Variants in AMOTL1 observed in about 807,000 individuals in gnomAD.
AMOTL1 encodes angiomotin-like protein 1.
A neutral mutation model predicts 102.9 loss-of-function variants in AMOTL1; 45 were observed. The observed-to-expected ratio is 0.44, with a 90% CI of 0.34 to 0.56. The LOEUF (loss-of-function observed/expected upper bound fraction) is 0.56. Ranked by LOEUF, AMOTL1 falls within the 20% of genes least tolerant of loss-of-function variation. AMOTL1 has a pLI of 0.01. For synonymous variants in AMOTL1, 481 were observed against 484.7 expected, an observed-to-expected ratio of 0.99 and a Z score of 0.10; for missense variants, 1,114 against 1,225.6, an observed-to-expected ratio of 0.91 and a Z score of 1.36.
chr11:94,801,318 G>A (rs891297716), intron 3 of AMOTL1, among the ~76,000 whole-genome samples: 1 of 152,306 alleles, frequency 6.6e-6, no homozygotes, highest in South Asian at 2.1e-4. Flanking sequence ...CAGAGCACTG[G>A]TGGGCAAGGG....
intron 8 of AMOTL1, among the ~76,000 whole-genome samples, chr11:94,857,931 C>T (rs113505703): frequency 6.6e-6 from 1 of 152,072 alleles, no homozygotes; most frequent in African/African-American, 2.4e-5. Context: ...GCACACTTAC[C>T]CATTAGACCA....
rs753531050 is a variant in AMOTL1 at position 94,799,339 on chromosome 11, A to G, written c.200-51A>G. 44 of 1,399,698 alleles carry G rather than the reference A, an allele frequency of 3.1e-5. 1 individual carries two copies. In the South Asian group the frequency reaches 5.2e-4, roughly 16 times the overall value. The allele number at this position is 1,399,698 out of a possible 1,614,324, so 86.7% of individuals were successfully genotyped here. ...TTATGTACCACATAGTCACAGACAT[A>G]TATCTCCTGTGGAGCTGCCTGATAT... On this transcript the variant is annotated intron_variant, in intron 2 of 12. Coordinates refer to ENST00000433060, the MANE Select transcript of AMOTL1 (RefSeq NM_130847.3). The surrounding 1 kb of genome is among the most constrained non-coding windows in gnomAD (Gnocchi z 4.5).
intron 3 of AMOTL1, among the ~76,000 whole-genome samples, chr11:94,746,773 G>A (rs558793461): frequency 6.8e-6 from 1 of 146,406 alleles, no homozygotes; most frequent in African/African-American, 2.7e-5. Context: ...TTTTTTGTTT[G>A]TTTGCTTGGG....
chr11:94,866,290 G>C (rs1393885238), intron 11 of AMOTL1, 122 bp downstream of exon 11: 1 of 968,498 alleles, frequency 1.0e-6, no homozygotes, highest in African/African-American at 1.6e-5. Context: ...CATCTGTGAA[G>C]TGGGGAGGGA....
At chr11:94,739,195 G>A (rs1950482960) in intron 2 of AMOTL1, among the ~76,000 whole-genome samples, 1 of 152,166 alleles carries the variant, frequency 6.6e-6, no homozygotes, top group Non-Finnish European at 1.5e-5. Context: ...CATTCAGAGA[G>A]GAGGCTGAGG....
chr11:94,754,801 A>C (rs1950701396), intron 3 of AMOTL1, among the ~76,000 whole-genome samples: 1 of 151,472 alleles, frequency 6.6e-6, no homozygotes, highest in Admixed American at 6.7e-5. Flanking sequence ...TGAATTTCAG[A>C]TAAACAGTGA....
At chr11:94,869,083 G>T (rs1952939795) in intron 11 of AMOTL1, 115 bp from the exon 12 acceptor site, 3 of 1,220,638 alleles carry the variant, frequency 2.5e-6, no homozygotes, top group Admixed American at 6.3e-5. Flanking sequence ...CTTGGGGAAT[G>T]AATCAATGAA....
intron 3 of AMOTL1, among the ~76,000 whole-genome samples, chr11:94,762,104 C>T (rs1309993399): frequency 1.3e-5 from 2 of 152,082 alleles, no homozygotes; most frequent in Admixed American, 1.3e-4. Context: ...GTGTCTATAT[C>T]ATCACTGGAA....
intron 4 of AMOTL1, among the ~76,000 whole-genome samples, chr11:94,829,322 A>C (rs1952029154): frequency 6.6e-6 from 1 of 151,422 alleles, no homozygotes; most frequent in Non-Finnish European, 1.5e-5. Flanking sequence ...TCCCAGGCTC[A>C]AGCGATCCTT....
At chr11:94,830,777 C>A (rs1952053704) in intron 5 of AMOTL1, among the ~76,000 whole-genome samples, 1 of 152,228 alleles carries the variant, frequency 6.6e-6, no homozygotes, top group Admixed American at 6.5e-5. Context: ...AATGTTACTT[C>A]ACCTTCAGCC....
intron 1 of AMOTL1, among the ~76,000 whole-genome samples, chr11:94,728,741 G>A (rs1212504847): frequency 6.6e-6 from 1 of 152,084 alleles, no homozygotes; most frequent in African/African-American, 2.4e-5. Context: ...AGGAAAACCT[G>A]GTTTGTGGGC....
intron 6 of AMOTL1, among the ~76,000 whole-genome samples, chr11:94,849,296 TAA>T (rs1321842153): frequency 1.3e-5 from 2 of 152,220 alleles, no homozygotes; most frequent in African/African-American, 4.8e-5. Context: ...GCAATGTATC[TAA>T]ATAGTCTTAT....
At chr11:94,748,621 A>G (rs1007205529) in intron 3 of AMOTL1, among the ~76,000 whole-genome samples, 1 of 152,206 alleles carries the variant, frequency 6.6e-6, no homozygotes, top group South Asian at 2.1e-4. Context: ...TCCACCTCTT[A>G]CTTGCTTTAT....
intron 2 of AMOTL1, 119 bp downstream of exon 2, chr11:94,795,279 T>G: frequency 7.7e-7 from 1 of 1,290,970 alleles, no homozygotes; most frequent in South Asian, 1.4e-5. Flanking sequence ...AATCATCATA[T>G]TGGATTATTG....
intron 3 of AMOTL1, among the ~76,000 whole-genome samples, chr11:94,802,272 T>A (rs914084069): frequency 5.3e-5 from 8 of 152,222 alleles, no homozygotes; most frequent in Non-Finnish European, 1.0e-4. Context: ...TTTACCACAG[T>A]TGTTTAAAAT....
intron 6 of AMOTL1, among the ~76,000 whole-genome samples, chr11:94,835,344 C>T (rs1231860810): frequency 6.6e-6 from 1 of 152,184 alleles, no homozygotes; most frequent in Non-Finnish European, 1.5e-5. Flanking sequence ...TTGTCACATA[C>T]ACACATGCAT....
chr11:94,812,789 T>A (rs1951704768), intron 3 of AMOTL1, among the ~76,000 whole-genome samples: 1 of 152,088 alleles, frequency 6.6e-6, no homozygotes. Context: ...TGTGTAGTTC[T>A]CCAACCACAG....
chr11:94,811,283 A>G (rs1420442682), intron 3 of AMOTL1, among the ~76,000 whole-genome samples: 1 of 152,132 alleles, frequency 6.6e-6, no homozygotes, highest in Non-Finnish European at 1.5e-5. Flanking sequence ...GGCTGAGGTC[A>G]GGGGTTCGAG....
In AMOTL1 at chr11:94,799,365, C is replaced by G. The variant is rs1354149155; in HGVS notation, c.200-25C>G. ...TATCTCCTGTGGAGCTGCCTGATATCTTTTTTCCTATGTTTATCTTTTAGT... is the reference window on the plus strand; with the variant it reads ...TATCTCCTGTGGAGCTGCCTGATATGTTTTTTCCTATGTTTATCTTTTAGT... On this transcript the variant is annotated intron_variant, in intron 2 of 12. Coordinates refer to ENST00000433060, the MANE Select transcript of AMOTL1 (RefSeq NM_130847.3). The surrounding 1 kb of genome is among the most constrained non-coding windows in gnomAD (Gnocchi z 4.5). 1 of 1,526,586 alleles carries G rather than the reference C, an allele frequency of 6.6e-7. No individual in the cohort carries two copies. Among genetic ancestry groups the G allele is most frequent in the Non-Finnish European group, 8.8e-7 (1 of 1,132,204 alleles). 94.6% of individuals were successfully genotyped at this position (1,526,586 alleles called of 1,614,324 possible). A position where few individuals can be genotyped will look rare whatever the true frequency, so the allele number is the denominator to read the frequency against.
Sources: gnomAD v4.1 joint callset for allele counts (sites outside exome capture counted in the v4.1 genomes callset) on GRCh38, gnomAD v4.1.1 for gene constraint, Gnocchi (gnomAD v3.1) non-coding constraint, MANE v1.5 for transcripts, NCBI Gene and HGNC (gene_info 2026-07-23, HGNC 2026-07-21) for gene names.